The following MIPEP variants were observed in gnomAD, a reference collection of about 807,000 sequenced individuals.
MIPEP encodes mitochondrial intermediate peptidase.
Under a neutral mutation model 90.3 loss-of-function variants are expected in MIPEP, and 79 were observed. The observed-to-expected ratio is 0.87, with a 90% CI of 0.73 to 1.05. The LOEUF (loss-of-function observed/expected upper bound fraction) is 1.05. Among genes scored for constraint, MIPEP ranks in the 50% least tolerant of loss-of-function variants. The pLI is 0.00. For synonymous variants in MIPEP, 334 were observed against 315.8 expected (o/e 1.06, Z -0.61); for missense variants, 940 against 905.6 (o/e 1.04, Z -0.49).
At chr13:23,794,078 G>A (rs543167598) in intron 16 of MIPEP, among the ~76,000 whole-genome samples, 1 of 152,238 alleles carries the variant, frequency 6.6e-6, no homozygotes, top group Admixed American at 6.5e-5. Context: ...GCTCATTAGG[G>A]GAAGACTGTG....
intron 17 of MIPEP, among the ~76,000 whole-genome samples, chr13:23,758,570 T>A (rs1242251581): frequency 6.6e-6 from 1 of 152,202 alleles, no homozygotes; most frequent in African/African-American, 2.4e-5. Flanking sequence ...AAAGTTATAA[T>A]CCCTGAAACT....
At chr13:23,738,083 T>C (rs1952284473) in intron 18 of MIPEP, among the ~76,000 whole-genome samples, 1 of 152,160 alleles carries the variant, frequency 6.6e-6, no homozygotes, top group African/African-American at 2.4e-5. Context: ...TGTAAGAGTT[T>C]TTTCCATTCA....
chr13:23,781,602 T>C (rs1170079327), intron 16 of MIPEP, among the ~76,000 whole-genome samples: 3 of 151,884 alleles, frequency 2.0e-5, no homozygotes, highest in Non-Finnish European at 4.4e-5. Context: ...TCACACATAA[T>C]AATATTAACC....
intron 2 of MIPEP, among the ~76,000 whole-genome samples, chr13:23,883,991 G>A (rs1162296953): frequency 2.6e-5 from 4 of 152,146 alleles, no homozygotes; most frequent in African/African-American, 9.7e-5. Context: ...TCTTAAGAGC[G>A]GGAGGCTTGT....
At chr13:23,776,791 A>T (rs1424324534) in intron 16 of MIPEP, among the ~76,000 whole-genome samples, 1 of 151,484 alleles carries the variant, frequency 6.6e-6, no homozygotes, top group East Asian at 1.9e-4. Context: ...TGGTTTGTAA[A>T]ATCTGTACAG....
At chr13:23,878,796 G>A (rs1047634584) in intron 4 of MIPEP, among the ~76,000 whole-genome samples, 5 of 152,118 alleles carry the variant, frequency 3.3e-5, no homozygotes, top group African/African-American at 1.2e-4. Flanking sequence ...AGATAAAATC[G>A]ATTTGCTTAC....
chr13:23,773,464 G>A (rs150584264), intron 16 of MIPEP, among the ~76,000 whole-genome samples: 1 of 152,284 alleles, frequency 6.6e-6, no homozygotes, highest in East Asian at 1.9e-4. Context: ...TCTATTGGGT[G>A]AGAGTTCCCT....
intron 10 of MIPEP, among the ~76,000 whole-genome samples, chr13:23,853,069 AG>A (rs1262574223): frequency 1.3e-5 from 2 of 152,234 alleles, no homozygotes; most frequent in African/African-American, 4.8e-5. Context: ...TTATTACAAA[AG>A]TATCAAAAAG....
intron 15 of MIPEP, among the ~76,000 whole-genome samples, chr13:23,806,722 A>ATCTC (rs1297981624): frequency 1.2e-4 from 17 of 141,096 alleles, no homozygotes; most frequent in Admixed American, 1.0e-3. Context: ...ATCTATATCT[A>ATCTC]TCTATCTATC....
chr13:23,787,859 T>A (rs1055605007), intron 16 of MIPEP, among the ~76,000 whole-genome samples: 3 of 152,188 alleles, frequency 2.0e-5, no homozygotes, highest in African/African-American at 7.2e-5. Context: ...ACAGGAAATT[T>A]CTACTCTGAG....
intron 16 of MIPEP, 148 bp from the exon 17 acceptor site, chr13:23,760,365 A>C: frequency 2.9e-6 from 3 of 1,041,944 alleles, no homozygotes; most frequent in Non-Finnish European, 4.4e-6. Context: ...CTATGATATC[A>C]ATATTTTCAC....
chr13:23,848,601 G>C (rs1406706167), intron 10 of MIPEP, among the ~76,000 whole-genome samples: 2 of 152,148 alleles, frequency 1.3e-5, no homozygotes, highest in Non-Finnish European at 1.5e-5. Flanking sequence ...GCTGGGAATG[G>C]GAGGAACAGA....
chr13:23,804,716 T>A (rs944743138), intron 16 of MIPEP, among the ~76,000 whole-genome samples: 22 of 152,212 alleles, frequency 1.4e-4, no homozygotes, highest in Non-Finnish European at 2.4e-4. Flanking sequence ...TACGATCTCT[T>A]CCCATGCATA....
chr13:23,889,351 G>T lies in MIPEP; in HGVS notation c.-31C>A, dbSNP rs771009173. On this transcript the variant is annotated 5_prime_UTR_variant, in exon 1 of 19. Transcript: ENST00000382172. ...CACCAGAGCAGTCCCTTCCTCCAAC[G>T]CAGATCCCTGCCCTGCTGCTTTCGC... 5.9e-5 allele frequency: 76 copies of T among 1,294,460 alleles called. No homozygotes were observed. In the African/African-American group the frequency reaches 1.0e-3, roughly 17 times the overall value. The allele number at this position is 1,294,460 out of a possible 1,614,324, so 80.2% of individuals were successfully genotyped here.
chr13:23,796,962 T>C (rs1338544831), intron 16 of MIPEP, among the ~76,000 whole-genome samples: 10 of 152,178 alleles, frequency 6.6e-5, no homozygotes, highest in Non-Finnish European at 1.5e-5. Context: ...CCAAAACAAA[T>C]GTTCTATAAG....
intron 16 of MIPEP, among the ~76,000 whole-genome samples, chr13:23,798,999 GGTTT>G (rs1952998671): frequency 8.7e-6 from 1 of 115,528 alleles, no homozygotes; most frequent in African/African-American, 3.3e-5. Flanking sequence ...TAATTTTTTT[GGTTT>G]TTTTTTTTTT....
At chr13:23,884,260 G>A (rs1464337389) in intron 2 of MIPEP, among the ~76,000 whole-genome samples, 4 of 151,898 alleles carry the variant, frequency 2.6e-5, no homozygotes, top group Admixed American at 6.6e-5. Context: ...GGGGGTGGAT[G>A]GAACAGCTTT....
chr13:23,888,529 TG>T (rs994452293), intron 1 of MIPEP: 8 of 215,318 alleles, frequency 3.7e-5, no homozygotes, highest in Non-Finnish European at 6.4e-5. Context: ...AGTGACTTCC[TG>T]GGGTAAGAAA....
At chr13:23,817,727 C>A (rs1292701613) in intron 14 of MIPEP, among the ~76,000 whole-genome samples, 1 of 152,042 alleles carries the variant, frequency 6.6e-6, no homozygotes, top group Admixed American at 6.6e-5. Context: ...TGTTTGTGTA[C>A]CCCTCAAAAT....
Sources: allele counts gnomAD v4.1 joint callset (sites outside exome capture counted in the v4.1 genomes callset), GRCh38; gene constraint gnomAD v4.1.1; transcripts MANE v1.5; gene names NCBI Gene and HGNC (gene_info 2026-07-23, HGNC 2026-07-21).